Variants in APP observed in about 807,000 individuals in gnomAD.
APP encodes the protein amyloid-beta precursor protein.
Under a neutral mutation model 101.4 loss-of-function variants are expected in APP, and 31 were observed. The observed-to-expected ratio is 0.31, with a 90% CI of 0.23 to 0.41. The LOEUF is 0.41. Among genes scored for constraint, APP ranks in the 10% least tolerant of loss-of-function variants. The pLI, the probability that APP is intolerant of heterozygous loss-of-function variation, is 1.00. For missense variants in APP, 839 were observed against 1,003.7 expected (o/e 0.84, Z 2.22); for synonymous variants, 366 against 364.4 (o/e 1.00, Z -0.05).
At chr21:26,054,553 C>T (rs192394172) in intron 3 of APP, among the ~76,000 whole-genome samples, 112 of 149,866 alleles carry the variant, frequency 7.5e-4, no homozygotes, top group African/African-American at 2.6e-3. Flanking sequence ...GGGAAGCATG[C>T]TGGACTCCAA....
At chr21:26,044,574 T>C (rs911409978) in intron 5 of APP, among the ~76,000 whole-genome samples, 1 of 152,194 alleles carries the variant, frequency 6.6e-6, no homozygotes, top group African/African-American at 2.4e-5. Context: ...AGTTTCGCTC[T>C]TATTGCCCAG....
intron 4 of APP, among the ~76,000 whole-genome samples, chr21:26,051,728 C>T (rs568624237): frequency 7.2e-5 from 11 of 152,278 alleles, no homozygotes; most frequent in African/African-American, 2.6e-4. Flanking sequence ...AACTTACAGT[C>T]ATTAGAGATT....
At chr21:26,099,496 C>A (rs2062013493) in intron 2 of APP, among the ~76,000 whole-genome samples, 1 of 152,146 alleles carries the variant, frequency 6.6e-6, no homozygotes, top group Non-Finnish European at 1.5e-5. Flanking sequence ...AAATCGATGC[C>A]ATTTCTAAGC....
intron 11 of APP, among the ~76,000 whole-genome samples, chr21:25,959,412 G>A (rs1014005037): frequency 6.6e-6 from 1 of 152,230 alleles, no homozygotes; most frequent in Non-Finnish European, 1.5e-5. Context: ...CAGCCTGGGC[G>A]ACAGGACGAG....
intron 5 of APP, among the ~76,000 whole-genome samples, chr21:26,029,217 T>C (rs1353838221): frequency 1.3e-5 from 2 of 152,164 alleles, no homozygotes; most frequent in Non-Finnish European, 2.9e-5. Context: ...CTGGAACGAC[T>C]CAATGAGATT....
intron 3 of APP, among the ~76,000 whole-genome samples, chr21:26,056,798 C>G (rs990179255): frequency 4.6e-5 from 7 of 152,036 alleles, no homozygotes; most frequent in African/African-American, 1.7e-4. Flanking sequence ...AAATAGAAAC[C>G]TCATTGTATT....
In APP at chr21:25,954,599, C is replaced by T. The variant is rs1364676064; in HGVS notation, c.1678G>A (p.Asp560Asn). 8 of 1,613,378 alleles carry T rather than the reference C, an allele frequency of 5.0e-6. No homozygotes were observed. The highest frequency in any genetic ancestry group is 2.7e-5 in the African/African-American group (2 of 74,906). Residue 560 changes from aspartate (D) to asparagine (N), a missense_variant, in exon 13 of 18, where the codon GAT becomes AAT. Transcript: ENST00000346798. ...NVPAVAEEIQ[D>N]EVDELLQKEQ... ...AGAACAGCTTACTTACCAACTTCAT[C>T]CTGAATCTCCTCGGCCACTGCAGGC... is the stretch of plus-strand genomic sequence containing the variant.
intron 1 of APP, among the ~76,000 whole-genome samples, chr21:26,162,753 G>A (rs760369129): frequency 2.0e-5 from 3 of 148,660 alleles, no homozygotes; most frequent in Non-Finnish European, 4.4e-5. Flanking sequence ...ATTCTCATAA[G>A]TATCTTTTAT....
intron 2 of APP, among the ~76,000 whole-genome samples, chr21:26,103,411 G>C (rs990677390): frequency 6.6e-6 from 1 of 152,066 alleles, no homozygotes; most frequent in African/African-American, 2.4e-5. Context: ...GACCAGCCTA[G>C]CCAACATGGT....
At chr21:26,102,081 G>GTT (rs1568976274) in intron 2 of APP, among the ~76,000 whole-genome samples, 9 of 133,630 alleles carry the variant, frequency 6.7e-5, no homozygotes, top group African/African-American at 2.4e-4. Flanking sequence ...AAAACTATGT[G>GTT]GTTTTTTTTT....
intron 8 of APP, among the ~76,000 whole-genome samples, chr21:25,989,259 A>C (rs2146630359): frequency 6.6e-6 from 1 of 152,328 alleles, no homozygotes; most frequent in South Asian, 2.1e-4. Flanking sequence ...ATAATCCATT[A>C]AGTTGAACTG....
intron 3 of APP, among the ~76,000 whole-genome samples, chr21:26,086,899 C>A (rs957384042): frequency 5.9e-5 from 9 of 152,192 alleles, no homozygotes; most frequent in African/African-American, 2.2e-4. Flanking sequence ...GTAGTGCTGA[C>A]TCTCCCATTT....
intron 6 of APP, chr21:26,009,495 C>T (rs910005676): frequency 3.9e-5 from 6 of 152,054 alleles, no homozygotes; most frequent in African/African-American, 1.4e-4. Flanking sequence ...TATCCCAGAA[C>T]ATCAGAAATA....
chr21:25,950,376 T>C (rs1012571751), intron 13 of APP, among the ~76,000 whole-genome samples: 20 of 148,146 alleles, frequency 1.4e-4, no homozygotes, highest in African/African-American at 4.7e-4. Context: ...CAGCTTTTTT[T>C]TTTTCTTTTT....
chr21:26,135,915 C>T (rs1345841461), intron 1 of APP, among the ~76,000 whole-genome samples: 3 of 151,822 alleles, frequency 2.0e-5, no homozygotes, highest in Non-Finnish European at 2.9e-5. Flanking sequence ...AGGCGGATCA[C>T]GAGGTCAGAA....
intron 1 of APP, among the ~76,000 whole-genome samples, chr21:26,121,223 C>T (rs1190151028): frequency 1.3e-5 from 2 of 152,180 alleles, no homozygotes; most frequent in Non-Finnish European, 1.5e-5. Context: ...GAGTTATGAG[C>T]TCTAGACATA....
At chr21:25,936,901 A>G (rs2040386947) in intron 13 of APP, among the ~76,000 whole-genome samples, 1 of 152,094 alleles carries the variant, frequency 6.6e-6, no homozygotes, top group African/African-American at 2.4e-5. Flanking sequence ...CCTGAAGGCA[A>G]TAGCTGAATC....
chr21:26,130,955 T>C (rs944110113), intron 1 of APP, among the ~76,000 whole-genome samples: 1 of 152,180 alleles, frequency 6.6e-6, no homozygotes, highest in African/African-American at 2.4e-5. Context: ...GTTGGTCAGA[T>C]GCAGTGGCTC....
At chr21:26,009,247 A>C (rs1253578667) in intron 6 of APP, among the ~76,000 whole-genome samples, 5 of 152,252 alleles carry the variant, frequency 3.3e-5, no homozygotes, top group Non-Finnish European at 7.3e-5. Flanking sequence ...ATACAACAAA[A>C]TTAGTAGTCT....
Sources: allele counts gnomAD v4.1 joint callset (sites outside exome capture counted in the v4.1 genomes callset), GRCh38; gene constraint gnomAD v4.1.1; transcripts MANE v1.5; gene names NCBI Gene and HGNC (gene_info 2026-07-23, HGNC 2026-07-21).